ZDHHC15: variants seen among roughly 807,000 people sequenced by gnomAD.
The protein encoded by ZDHHC15 is zDHHC palmitoyltransferase 15, also known as palmitoyltransferase ZDHHC15.
ZDHHC15 carries 19 observed loss-of-function variants against 31.7 expected under a neutral mutation model. The observed-to-expected ratio is 0.60, with a 90% CI of 0.42 to 0.88. The LOEUF (loss-of-function observed/expected upper bound fraction) is 0.88. ZDHHC15 is among the 40% of genes least tolerant of loss of function. ZDHHC15 has a pLI of 0.00. For synonymous variants in ZDHHC15, 103 were observed against 90.0 expected (o/e 1.14, Z -0.82); for missense variants, 209 against 251.2 (o/e 0.83, Z 1.14).
intron 3 of ZDHHC15, among the ~76,000 whole-genome samples, chrX:75,472,892 G>T (rs1398175157): frequency 8.9e-6 from 1 of 112,137 alleles, no homozygotes; most frequent in Non-Finnish European, 1.9e-5. Context: ...TTCTTGGGGT[G>T]ATCAGCCAGC....
chrX:75,399,659 G>C (rs1282774478), intron 10 of ZDHHC15, among the ~76,000 whole-genome samples: 2 of 111,595 alleles, frequency 1.8e-5, no homozygotes, highest in Admixed American at 1.9e-4. Flanking sequence ...CAGAGCTCCA[G>C]TGGGCAGCCC....
At chrX:75,383,452 T>C (rs1313124880) in intron 10 of ZDHHC15, among the ~76,000 whole-genome samples, 4 of 111,228 alleles carry the variant, frequency 3.6e-5, no homozygotes, top group African/African-American at 1.3e-4. Context: ...CTTGGGGTCT[T>C]GTGCACTACA....
intron 10 of ZDHHC15, among the ~76,000 whole-genome samples, chrX:75,403,074 T>C (rs777476981): frequency 1.8e-5 from 2 of 112,295 alleles, no homozygotes; most frequent in South Asian, 3.7e-4. Context: ...GAATGCAAAG[T>C]TGTTTCAACA....
chrX:75,388,792 T>A lies in ZDHHC15; in HGVS notation c.968-9594A>T, dbSNP rs141711050. Among the ~76,000 whole-genome samples the A allele has an allele frequency of 8.0e-3, 894 of 111,825 alleles. 11 individuals are homozygous for A. Among genetic ancestry groups the A allele is most frequent in the African/African-American group, 0.027 (824 of 30,816 alleles). ...AATTAAAAGCATAGAAGAGACTGGG[T>A]GGAGCAAGATGGCTGAATAGATGCC... On this transcript the variant is annotated intron_variant, in intron 10 of 11. Transcript: ENST00000373367.
chrX:75,469,568 C>T (rs2084469938), intron 3 of ZDHHC15, among the ~76,000 whole-genome samples: 1 of 111,952 alleles, frequency 8.9e-6, no homozygotes, highest in South Asian at 3.7e-4. Context: ...GTCAGAATTT[C>T]CCTCTCTTTC....
intron 3 of ZDHHC15, among the ~76,000 whole-genome samples, chrX:75,463,676 C>A (rs898093025): frequency 2.7e-5 from 3 of 111,654 alleles, no homozygotes; most frequent in Non-Finnish European, 5.6e-5. Flanking sequence ...ATGCAGCCAA[C>A]AGACACATGA....
chrX:75,396,394 G>C (rs776789713), intron 10 of ZDHHC15, among the ~76,000 whole-genome samples: 2 of 111,711 alleles, frequency 1.8e-5, no homozygotes, highest in African/African-American at 6.5e-5. Flanking sequence ...ACATGGAAAA[G>C]TACTCAACAT....
chrX:75,435,583 C>A (rs1002816325), intron 4 of ZDHHC15, among the ~76,000 whole-genome samples: 1 of 111,837 alleles, frequency 8.9e-6, no homozygotes, highest in Admixed American at 9.5e-5. Context: ...GTTTTTTCTG[C>A]GTCTATTGAG....
chrX:75,519,682 G>T (rs1408138812), intron 1 of ZDHHC15, among the ~76,000 whole-genome samples: 7 of 112,399 alleles, frequency 6.2e-5, no homozygotes, highest in African/African-American at 2.3e-4. Context: ...ATGCAAATTT[G>T]TTAATTTATT....
intron 10 of ZDHHC15, among the ~76,000 whole-genome samples, chrX:75,409,795 T>TAAAAA (rs1189768393): frequency 1.4e-4 from 5 of 35,528 alleles, no homozygotes; most frequent in African/African-American, 6.3e-4. Flanking sequence ...ACCCCATCTC[T>TAAAAA]AAAAAAAAAA....
chrX:75,474,831 G>A (rs750237049), intron 3 of ZDHHC15, among the ~76,000 whole-genome samples: 2 of 110,486 alleles, frequency 1.8e-5, no homozygotes, highest in East Asian at 5.7e-4. Context: ...GCCGAGACGG[G>A]TGGATCATGA....
intron 2 of ZDHHC15, among the ~76,000 whole-genome samples, chrX:75,497,708 G>T (rs983350114): frequency 1.8e-5 from 2 of 111,125 alleles, no homozygotes; most frequent in African/African-American, 6.5e-5. Flanking sequence ...CCATATAAAT[G>T]GAATTAAAAA....
rs139898070 is a variant in ZDHHC15 at position 75,435,856 on chromosome X, T to G, written c.380-4336A>C. On this transcript the variant is annotated intron_variant, in intron 4 of 11. Coordinates refer to ENST00000373367, the MANE Select transcript of ZDHHC15 (RefSeq NM_144969.3). ...TGGTACTAGGGTAATATTGGCTTCA[T>G]AGAATAATTTAGGAAGGATTCCCTC... 2.7e-4 allele frequency among the ~76,000 whole-genome samples: 30 copies of G among 112,335 alleles called. No individual in the cohort carries two copies. In the East Asian group the frequency reaches 7.2e-3, roughly 27 times the overall value.
At chrX:75,462,731 A>C (rs1472466317) in intron 3 of ZDHHC15, among the ~76,000 whole-genome samples, 1 of 111,839 alleles carries the variant, frequency 8.9e-6, no homozygotes, top group Admixed American at 9.5e-5. Context: ...ATGAGAACCA[A>C]AAGACAATGT....
Position 75,515,280 on chromosome X carries a change from AAG to A in ZDHHC15, c.136+7607_136+7608del, listed in dbSNP as rs748636015. On this transcript the variant is annotated intron_variant, in intron 1 of 11. Coordinates refer to ENST00000373367, the MANE Select transcript of ZDHHC15 (RefSeq NM_144969.3). ...TGGCAGAGACACAACAAAGAAAAAA[AAG>A]AGAGAGAATTTTAGACCAATATCCC... Among the ~76,000 whole-genome samples, 8 of 111,644 alleles carry A rather than the reference AAG, an allele frequency of 7.2e-5. No individual in the cohort carries two copies. The East Asian group carries it at 2.3e-3, about 31-fold the overall frequency.
At chrX:75,445,945 T>C (rs1279387710) in intron 4 of ZDHHC15, among the ~76,000 whole-genome samples, 1 of 111,168 alleles carries the variant, frequency 9.0e-6, no homozygotes, top group Admixed American at 9.7e-5. Flanking sequence ...CAGGCCACTA[T>C]ACAAGACAAT....
chrX:75,424,554 G>A, intron 8 of ZDHHC15, 98 bp downstream of exon 8: 1 of 924,409 alleles, frequency 1.1e-6, no homozygotes, highest in South Asian at 3.6e-5. Context: ...TGTCACTGCA[G>A]CTAAAATGCT....
intron 9 of ZDHHC15, among the ~76,000 whole-genome samples, chrX:75,421,142 A>T (rs2083622215): frequency 9.7e-6 from 1 of 103,277 alleles, no homozygotes. Flanking sequence ...TCTTCTATAT[A>T]TATTTATGTT....
intron 2 of ZDHHC15, among the ~76,000 whole-genome samples, chrX:75,497,275 A>G (rs757877251): frequency 6.3e-5 from 7 of 111,906 alleles, no homozygotes; most frequent in Non-Finnish European, 1.1e-4. Flanking sequence ...AGCTTCCTAG[A>G]TTAAACCAGG....
Sources: allele counts gnomAD v4.1 joint callset (sites outside exome capture counted in the v4.1 genomes callset), GRCh38; gene constraint gnomAD v4.1.1; transcripts MANE v1.5; gene names NCBI Gene and HGNC (gene_info 2026-07-23, HGNC 2026-07-21).